TRAK1: variants seen among roughly 807,000 people sequenced by gnomAD.
The protein encoded by TRAK1 is trafficking kinesin protein 1, also known as trafficking kinesin-binding protein 1.
Under a neutral mutation model 92.1 loss-of-function variants are expected in TRAK1, and 33 were observed. The ratio of observed to expected loss-of-function variants is 0.36; its 90% CI spans 0.27 to 0.48. The LOEUF (loss-of-function observed/expected upper bound fraction) is 0.48. Ranked by LOEUF, TRAK1 falls within the 20% of genes least tolerant of loss-of-function variation. The pLI is 0.99. For missense variants in TRAK1, 1,123 were observed against 1,257.9 expected, an observed-to-expected ratio of 0.89 and a Z score of 1.62; for synonymous variants, 521 against 517.3, an observed-to-expected ratio of 1.01 and a Z score of -0.10.
upstream of TRAK1, among the ~76,000 whole-genome samples, chr3:42,085,401 T>G (rs1284834239): frequency 6.6e-6 from 1 of 152,140 alleles, no homozygotes; most frequent in Non-Finnish European, 1.5e-5. Context: ...ACTCCTGACC[T>G]CAAGTGATCT....
intron 1 of TRAK1, among the ~76,000 whole-genome samples, chr3:42,031,631 T>G (rs1702151700): frequency 2.3e-5 from 1 of 43,086 alleles, no homozygotes; most frequent in Admixed American, 3.7e-4. Flanking sequence ...AGACCTTGTC[T>G]CAAAAAATAG....
rs183848476 is a variant in TRAK1 at position 42,133,253 on chromosome 3, G to C, written c.286+7639G>C. ...CTCTTGGCTCTATCCAGCCAGCCTC[G>C]TTCCACCCTCTCCTTACCCTATAGC... On this transcript the variant is annotated intron_variant, in intron 2 of 15. Coordinates refer to ENST00000327628, the MANE Select transcript of TRAK1 (RefSeq NM_001042646.3). 5.3e-3 allele frequency among the ~76,000 whole-genome samples: 809 copies of C among 152,172 alleles called. 4 individuals carry two copies. Among genetic ancestry groups the C allele is most frequent in the Non-Finnish European group, 8.0e-3 (542 of 68,002 alleles).
intron 1 of TRAK1, among the ~76,000 whole-genome samples, chr3:42,026,336 C>T (rs1701914555): frequency 6.6e-6 from 1 of 152,258 alleles, no homozygotes; most frequent in Non-Finnish European, 1.5e-5. Flanking sequence ...GCGTGGTTAG[C>T]TTGCTGCCTC....
rs189642766 is a variant in TRAK1, at chr3:42,015,136, C to T, written c.-519+1019C>T. ...GACTGGTAGGTTTGGAGAGTTGGAC[C>T]TGGAGTGACAGATGGCGCCTTCCCC... On this transcript the variant is annotated intron_variant, in intron 1 of 16. Transcript: ENST00000487159. Among the ~76,000 whole-genome samples the T allele has an allele frequency of 3.8e-3, 571 of 152,194 alleles. 4 individuals are homozygous for T. The highest frequency in any genetic ancestry group is 0.013 in the African/African-American group (537 of 41,528).
intron 3 of TRAK1, among the ~76,000 whole-genome samples, chr3:42,183,553 T>TAAAAAAAAAAAAAAAAAAAAAAAAAAAAA (rs11293523): frequency 5.1e-5 from 6 of 117,330 alleles, no homozygotes; most frequent in African/African-American, 1.9e-4. Context: ...AGACTCTGTC[T>TAAAAAAAAAAAAAAAAAAAAAAAAAAAAA]AAAAAAAAAA....
chr3:42,151,572 G>T (rs1699954435), intron 2 of TRAK1: 20 of 296,796 alleles, frequency 6.7e-5, no homozygotes, highest in Middle Eastern at 1.2e-3. Context: ...GGGACCACTG[G>T]TATTTTCATA....
At chr3:42,093,951 G>T (rs1339309764) in intron 1 of TRAK1, among the ~76,000 whole-genome samples, 1 of 151,924 alleles carries the variant, frequency 6.6e-6, no homozygotes, top group African/African-American at 2.4e-5. Context: ...CAGTCCGCCT[G>T]CCTAGGCCTC....
chr3:42,078,853 T>C (rs1168137452), intron 1 of TRAK1, among the ~76,000 whole-genome samples: 1 of 152,044 alleles, frequency 6.6e-6, no homozygotes, highest in Non-Finnish European at 1.5e-5. Context: ...TATGCTGTCA[T>C]TGGCTCTGGA....
intron 1 of TRAK1, among the ~76,000 whole-genome samples, chr3:42,030,372 A>AAATATATATATAT (rs540353037): frequency 1.5e-5 from 2 of 132,320 alleles, no homozygotes; most frequent in African/African-American, 5.6e-5. Flanking sequence ...TAAAAAAAAA[A>AAATATATATATAT]ATATATATAT....
At chr3:42,022,760 A>C (rs1168938234) in intron 1 of TRAK1, among the ~76,000 whole-genome samples, 2 of 151,734 alleles carry the variant, frequency 1.3e-5, no homozygotes, top group African/African-American at 4.8e-5. Flanking sequence ...TTTGTACAAG[A>C]GGAATATTTT....
intron 10 of TRAK1, among the ~76,000 whole-genome samples, chr3:42,197,000 TCTCACACACACACACACACA>T (rs1227832494): frequency 5.3e-5 from 7 of 131,078 alleles, no homozygotes; most frequent in South Asian, 5.4e-4. Flanking sequence ...TCTCTCTCTC[TCTCACACACACACACACACA>T]CACACACACA....
intron 1 of TRAK1, among the ~76,000 whole-genome samples, chr3:42,078,317 G>C (rs1387877478): frequency 2.0e-5 from 3 of 152,172 alleles, no homozygotes; most frequent in Non-Finnish European, 2.9e-5. Context: ...AGATACTTCT[G>C]TAAAGGGACT....
chr3:42,139,417 A>T (rs1441120809), intron 2 of TRAK1, among the ~76,000 whole-genome samples: 1 of 152,180 alleles, frequency 6.6e-6, no homozygotes, highest in Admixed American at 6.5e-5. Flanking sequence ...TGCAGTCATG[A>T]TGCCTCCACC....
At chr3:42,029,573 A>G (rs1294586487) in intron 1 of TRAK1, among the ~76,000 whole-genome samples, 1 of 147,214 alleles carries the variant, frequency 6.8e-6, no homozygotes, top group Non-Finnish European at 1.5e-5. Context: ...TTTTTGAGAC[A>G]GAGTCTCACT....
At chr3:42,076,523 G>GC (rs1267082272) in intron 1 of TRAK1, among the ~76,000 whole-genome samples, 1 of 152,118 alleles carries the variant, frequency 6.6e-6, no homozygotes, top group Admixed American at 6.5e-5. Flanking sequence ...ACCAGGCCTG[G>GC]CCAGATATTA....
intron 2 of TRAK1, among the ~76,000 whole-genome samples, chr3:42,159,344 G>A (rs1379492462): frequency 6.6e-6 from 1 of 152,170 alleles, no homozygotes; most frequent in Non-Finnish European, 1.5e-5. Flanking sequence ...CTGGGAGATG[G>A]CTGAAGCACA....
chr3:42,180,106 T>A (rs1410157663), intron 3 of TRAK1, among the ~76,000 whole-genome samples: 1 of 152,172 alleles, frequency 6.6e-6, no homozygotes, highest in Non-Finnish European at 1.5e-5. Context: ...GTTTTTTTCA[T>A]TCTTATAATT....
chr3:42,180,750 G>A (rs1226579332), intron 3 of TRAK1, among the ~76,000 whole-genome samples: 4 of 151,168 alleles, frequency 2.6e-5, no homozygotes, highest in African/African-American at 9.7e-5. Context: ...ATCACTTCAA[G>A]CATGTATCAT....
chr3:42,127,898 G>A (rs533959783), intron 2 of TRAK1, among the ~76,000 whole-genome samples: 80 of 152,272 alleles, frequency 5.3e-4, no homozygotes, highest in Non-Finnish European at 6.5e-4. Flanking sequence ...TAGACTTGAG[G>A]CCGGGCGTGG....
Sources: allele counts gnomAD v4.1 joint callset (sites outside exome capture counted in the v4.1 genomes callset), GRCh38; gene constraint gnomAD v4.1.1; transcripts MANE v1.5; gene names NCBI Gene and HGNC (gene_info 2026-07-23, HGNC 2026-07-21).